NR2C2: variants seen among roughly 807,000 people sequenced by gnomAD.
The protein encoded by NR2C2 is Nuclear hormone receptor TR4.
NR2C2 carries 6 observed loss-of-function variants against 62.9 expected under a neutral mutation model. The observed-to-expected ratio is 0.10, with a 90% CI of 0.05 to 0.19. NR2C2 has a LOEUF of 0.19. NR2C2 is among the 10% of genes least tolerant of loss of function. The pLI, the probability that NR2C2 is intolerant of heterozygous loss-of-function variation, is 1.00. For missense variants in NR2C2, 479 were observed against 762.7 expected (o/e 0.63, Z 4.38); for synonymous variants, 272 against 273.8 (o/e 0.99, Z 0.07).
chr3:15,027,903 G>A (rs1239607950), intron 7 of NR2C2, among the ~76,000 whole-genome samples: 2 of 150,536 alleles, frequency 1.3e-5, no homozygotes, highest in Non-Finnish European at 3.0e-5. Flanking sequence ...ATCTTACTCT[G>A]TCACCCAGGC....
chr3:15,023,462 T>C (rs770324518), intron 6 of NR2C2, 115 bp downstream of exon 6: 99 of 1,207,826 alleles, frequency 8.2e-5, no homozygotes, highest in Non-Finnish European at 1.0e-4. Flanking sequence ...CCTCCAGCGT[T>C]GTGTTGCCTA....
chr3:14,990,215 T>TA (rs1171630107), intron 1 of NR2C2, among the ~76,000 whole-genome samples: 3 of 152,214 alleles, frequency 2.0e-5, no homozygotes, highest in Non-Finnish European at 2.9e-5. Flanking sequence ...CTTGTAGGTT[T>TA]AAAAATGTTT....
rs2041502218 is a variant in NR2C2, at chr3:15,016,057, C to T, written c.274-95C>T. 6 of 900,158 alleles carry T rather than the reference C, an allele frequency of 6.7e-6. No individual in the cohort carries two copies. The Admixed American group carries it at 1.1e-4, about 17-fold the overall frequency. The allele number at this position is 900,158 out of a possible 1,614,324, so 55.8% of individuals were successfully genotyped here. A position where few individuals can be genotyped will look rare whatever the true frequency, so the allele number is the denominator to read the frequency against. On this transcript the variant is annotated intron_variant, in intron 3 of 13. Transcript: ENST00000425241. ...CCTCAAGTGATCCACCCACCTCAGC[C>T]TCCCAAAGTGCTGGGATTATAGACG...
chr3:15,042,015 T>C lies in NR2C2; in HGVS notation c.1617-819T>C, dbSNP rs986661034. On this transcript the variant is annotated intron_variant, in intron 13 of 13. Transcript: ENST00000425241. Reference sequence around the variant, plus strand: ...TATACAATAACAATACGTACTCTTCTTCATTTTCTATGGTTCCTATTTCCC... The same window carrying C: ...TATACAATAACAATACGTACTCTTCCTCATTTTCTATGGTTCCTATTTCCC... Among the ~76,000 whole-genome samples, 17 of 152,364 alleles carry C rather than the reference T, an allele frequency of 1.1e-4. No homozygotes were observed. The South Asian group carries it at 1.2e-3, about 11-fold the overall frequency.
At chr3:14,996,524 T>G (rs1026934382) in intron 1 of NR2C2, among the ~76,000 whole-genome samples, 1 of 152,232 alleles carries the variant, frequency 6.6e-6, no homozygotes, top group Non-Finnish European at 1.5e-5. Context: ...TATGTCCATG[T>G]TGAATTTGAG....
chr3:15,032,611 A>G, intron 10 of NR2C2, 111 bp downstream of exon 10: 1 of 1,309,398 alleles, frequency 7.6e-7, no homozygotes, highest in Non-Finnish European at 1.1e-6. Flanking sequence ...CTATGACCTC[A>G]TTCAAAGGAC....
chr3:15,040,004 A>G (rs983912871), intron 13 of NR2C2, among the ~76,000 whole-genome samples: 28 of 151,458 alleles, frequency 1.8e-4, no homozygotes, highest in Admixed American at 3.3e-4. Context: ...TTTAAAAAAA[A>G]ATTAGCCAGG....
At chr3:15,026,231 A>C (rs1370132509) in intron 7 of NR2C2, 1 of 152,170 alleles carries the variant, frequency 6.6e-6, no homozygotes, top group East Asian at 1.9e-4. Flanking sequence ...CATGTTGCCC[A>C]GTCTGGTCTT....
At chr3:15,030,542 T>C in intron 9 of NR2C2, 90 bp downstream of exon 9, 17 of 1,359,306 alleles carry the variant, frequency 1.3e-5, no homozygotes, top group South Asian at 3.2e-5. Flanking sequence ...AAATCAAACC[T>C]TGGGGCCAGG....
chr3:14,986,653 A>G (rs929085780), intron 1 of NR2C2, among the ~76,000 whole-genome samples: 4 of 152,244 alleles, frequency 2.6e-5, no homozygotes, highest in African/African-American at 9.6e-5. Flanking sequence ...AGTGTCTGAT[A>G]CTTTAAAAAA....
intron 4 of NR2C2, among the ~76,000 whole-genome samples, chr3:15,018,146 C>G (rs1409969031): frequency 6.6e-6 from 1 of 152,100 alleles, no homozygotes; most frequent in Non-Finnish European, 1.5e-5. Context: ...CTATAGGTGT[C>G]TGCCACCACG....
At chr3:15,013,513 C>A in intron 2 of NR2C2, 76 bp from the exon 3 acceptor site, 1 of 1,343,448 alleles carries the variant, frequency 7.4e-7, no homozygotes, top group Non-Finnish European at 1.1e-6. Flanking sequence ...TTGGCAGTCA[C>A]CACTTTGAGC....
intron 9 of NR2C2, among the ~76,000 whole-genome samples, chr3:15,030,718 C>T (rs2041959880): frequency 1.3e-5 from 2 of 152,230 alleles, no homozygotes; most frequent in East Asian, 1.9e-4. Context: ...GTCTCACCTA[C>T]TCAGGAGGCT....
At chr3:14,994,167 T>G (rs2124860769) in intron 1 of NR2C2, among the ~76,000 whole-genome samples, 1 of 152,366 alleles carries the variant, frequency 6.6e-6, no homozygotes, top group East Asian at 1.9e-4. Flanking sequence ...TTTGTTTTTT[T>G]ATCCACTCAT....
chr3:15,025,310 T>C (rs2041792643), intron 7 of NR2C2, among the ~76,000 whole-genome samples: 1 of 152,228 alleles, frequency 6.6e-6, no homozygotes, highest in Admixed American at 6.5e-5. Context: ...TAGAACTGGG[T>C]TCAGAGTCTG....
At chr3:14,984,429 A>G (rs185613945) in intron 1 of NR2C2, among the ~76,000 whole-genome samples, 7 of 152,290 alleles carry the variant, frequency 4.6e-5, no homozygotes, top group Admixed American at 4.6e-4. Flanking sequence ...CTTTTCTAAT[A>G]TAAGCATTAG....
intron 11 of NR2C2, among the ~76,000 whole-genome samples, chr3:15,036,654 A>G (rs1253960478): frequency 6.6e-6 from 1 of 152,102 alleles, no homozygotes; most frequent in Non-Finnish European, 1.5e-5. Flanking sequence ...TCACACCCAG[A>G]TAATTTTTAT....
At chr3:14,981,463 TGTG>T (rs1335766600) in intron 1 of NR2C2, among the ~76,000 whole-genome samples, 1 of 150,840 alleles carries the variant, frequency 6.6e-6, no homozygotes, top group African/African-American at 2.4e-5. Context: ...ATTAGCCAGG[TGTG>T]GTGGTGGGCG....
chr3:15,009,688 T>C (rs957911217), intron 2 of NR2C2, among the ~76,000 whole-genome samples: 1 of 152,220 alleles, frequency 6.6e-6, no homozygotes, highest in African/African-American at 2.4e-5. Context: ...AATTTGCCTC[T>C]TGTATTAGTT....
Sources: allele counts gnomAD v4.1 joint callset (sites outside exome capture counted in the v4.1 genomes callset), GRCh38; gene constraint gnomAD v4.1.1; transcripts MANE v1.5; gene names NCBI Gene and HGNC (gene_info 2026-07-23, HGNC 2026-07-21).